PM20D2: variants seen among roughly 807,000 people sequenced by gnomAD.
PM20D2 encodes the protein peptidase M20 domain containing 2.
A neutral mutation model predicts 42.9 loss-of-function variants in PM20D2; 33 were observed. That is an observed-to-expected ratio of 0.77 (90% CI 0.58 to 1.03). The LOEUF is 1.03. Ranked by LOEUF, PM20D2 falls within the 50% of genes least tolerant of loss-of-function variation. The pLI, the probability that PM20D2 is intolerant of heterozygous loss-of-function variation, is 0.00. For missense variants in PM20D2, 548 were observed against 557.0 expected (o/e 0.98, Z 0.16); for synonymous variants, 250 against 228.2 (o/e 1.10, Z -0.86).
chr6:89,132,370 A>C, the PM20D2 span, among the ~76,000 whole-genome samples: 1 of 144,998 alleles, frequency 6.9e-6, no homozygotes, highest in Non-Finnish European at 1.5e-5. Context: ...TTTGCCCTGG[A>C]TCCAAGGAGG....
the PM20D2 span, among the ~76,000 whole-genome samples, chr6:89,130,981 G>T: frequency 1.3e-5 from 2 of 151,782 alleles, no homozygotes; most frequent in African/African-American, 4.8e-5. Flanking sequence ...GGGATGACAG[G>T]TGTAAACCAC....
chr6:89,108,536 A>G, the PM20D2 span, among the ~76,000 whole-genome samples: 1 of 152,234 alleles, frequency 6.6e-6, no homozygotes, highest in Non-Finnish European at 1.5e-5. Context: ...TGGTGCTATC[A>G]TAGGGATTCA....
intron 5 of PM20D2, among the ~76,000 whole-genome samples, chr6:89,161,300 G>A (rs2127782416): frequency 6.6e-6 from 1 of 152,316 alleles, no homozygotes; most frequent in African/African-American, 2.4e-5. Context: ...TGAGTTGGTG[G>A]TGATTTGAAG....
rs766101002 is a variant in PM20D2 at position 89,146,220 on chromosome 6, C to T, written c.76C>T (p.Arg26Cys). ...GRSELELLKL[R>C]SAECIDEAAE... The stretch of plus-strand genomic sequence containing the variant: ...CTCCGAGCTGGAGCTACTGAAGCTG[C>T]GCTCGGCGGAGTGCATCGACGAGGC... Residue 26 changes from arginine to cysteine, a missense_variant, in exon 1 of 7, where the codon CGC becomes TGC. Physicochemically the swap from Arg to Cys is radical, Grantham distance 180. Around this residue, in one of 3 missense-constraint regions of PM20D2, gnomAD observed 470 missense variants for 464.4 expected, o/e 1.01. Coordinates refer to ENST00000275072, the MANE Select transcript of PM20D2 (RefSeq NM_001010853.3). The T allele has an allele frequency of 3.8e-6, 6 of 1,570,144 alleles. No individual in the cohort carries two copies. The East Asian group carries it at 1.2e-4, about 31-fold the overall frequency.
chr6:89,152,920 G>A, intron 2 of PM20D2, 123 bp from the exon 3 acceptor site: 1 of 680,402 alleles, frequency 1.5e-6, no homozygotes, highest in South Asian at 2.5e-5. Context: ...CAAATAATTT[G>A]CAAATCAAAA....
At chr6:89,148,181 G>C (rs1334203523) in intron 1 of PM20D2, among the ~76,000 whole-genome samples, 1 of 151,828 alleles carries the variant, frequency 6.6e-6, no homozygotes, top group East Asian at 2.0e-4. Flanking sequence ...ATTTCGCCAT[G>C]TTGGCCTGGC....
the PM20D2 span, among the ~76,000 whole-genome samples, chr6:89,102,836 T>TGACCTACTG: frequency 6.6e-6 from 1 of 152,176 alleles, no homozygotes; most frequent in Non-Finnish European, 1.5e-5. Context: ...ACTGCAGCCT[T>TGACCTACTG]GACCTACTGG....
At chr6:89,111,175 C>T in the PM20D2 span, among the ~76,000 whole-genome samples, 1 of 150,402 alleles carries the variant, frequency 6.6e-6, no homozygotes, top group East Asian at 2.0e-4. Context: ...GTGGCACAAT[C>T]TCGGGTCACT....
the PM20D2 span, among the ~76,000 whole-genome samples, chr6:89,111,230 TC>T: frequency 6.6e-6 from 1 of 151,714 alleles, no homozygotes; most frequent in Non-Finnish European, 1.5e-5. Flanking sequence ...TGCCTCAACC[TC>T]CCAAGTAGCT....
At chr6:89,139,189 C>A in the PM20D2 span, among the ~76,000 whole-genome samples, 1 of 152,010 alleles carries the variant, frequency 6.6e-6, no homozygotes. Context: ...TCAGTTGATC[C>A]TCCCTAATAG....
chr6:89,157,412 TAATC>T (rs1771086373), intron 4 of PM20D2, among the ~76,000 whole-genome samples: 1 of 152,170 alleles, frequency 6.6e-6, no homozygotes, highest in Non-Finnish European at 1.5e-5. Context: ...AATTTTTATT[TAATC>T]AAAACTGAAT....
chr6:89,130,243 G>A, the PM20D2 span, among the ~76,000 whole-genome samples: 9 of 151,802 alleles, frequency 5.9e-5, no homozygotes, highest in Admixed American at 2.6e-4. Flanking sequence ...ATCACCACGC[G>A]TGGCTATTTT....
At chr6:89,139,975 G>C in the PM20D2 span, among the ~76,000 whole-genome samples, 12 of 152,264 alleles carry the variant, frequency 7.9e-5, no homozygotes, top group East Asian at 1.5e-3. Flanking sequence ...GATAAAAATG[G>C]AGCAAACGGA....
chr6:89,153,056 T>C lies in PM20D2; in HGVS notation c.628T>C (p.Tyr210His). The C allele has an allele frequency of 6.2e-7, 1 of 1,600,312 alleles. No homozygotes were observed. The highest frequency in any genetic ancestry group is 1.7e-5 in the Admixed American group (1 of 57,932). ...TTTATTTCCTAGTGTGACTGTGAAA[T>C]ACTATGGAAAAGCATCTCATTCTGC... is the stretch of plus-strand genomic sequence containing the variant. Reference protein sequence around the residue: ...DMAEHDVTVKYYGKASHSASY... With the variant: ...DMAEHDVTVKHYGKASHSASY... Residue 210 changes from tyrosine to histidine, a missense_variant, in exon 3 of 7, where the codon TAC becomes CAC. Physicochemically the swap from Tyr to His is moderately conservative, Grantham distance 83 (BLOSUM62 2). Coordinates refer to ENST00000275072, the MANE Select transcript of PM20D2 (RefSeq NM_001010853.3).
chr6:89,132,771 G>A, the PM20D2 span, among the ~76,000 whole-genome samples: 133 of 151,146 alleles, frequency 8.8e-4, 2 homozygotes, highest in African/African-American at 2.2e-3. Flanking sequence ...CCAGGAGGCA[G>A]AGGTTGCAGT....
chr6:89,146,176 G>C lies in PM20D2; in HGVS notation c.32G>C (p.Gly11Ala), dbSNP rs1450528788. 6 of 1,528,380 alleles carry C rather than the reference G, an allele frequency of 3.9e-6. No homozygotes were observed. The highest frequency in any genetic ancestry group is 5.2e-6 in the Non-Finnish European group (6 of 1,145,360). 94.7% of individuals were successfully genotyped at this position (1,528,380 alleles called of 1,614,324 possible). A position where few individuals can be genotyped will look rare whatever the true frequency, so the allele number is the denominator to read the frequency against. ...CCCGGAGGGGAGCGGCCCGTGGAAG[G>C]GGGCGCGTGCAATGGCCGCTCCGAG... MRPGGERPVE[G>A]GACNGRSELE... is the part of the protein sequence containing the mutation. The change falls in exon 1 of 7, where the codon GGG (glycine) becomes GCG (alanine). Residue 11 changes from glycine (G) to alanine (A), a missense_variant. Around this residue, in one of 3 missense-constraint regions of PM20D2, gnomAD observed 470 missense variants for 464.4 expected, o/e 1.01. Coordinates refer to ENST00000275072, the MANE Select transcript of PM20D2 (RefSeq NM_001010853.3).
chr6:89,099,419 T>C, the PM20D2 span, among the ~76,000 whole-genome samples: 9 of 137,866 alleles, frequency 6.5e-5, no homozygotes, highest in African/African-American at 2.5e-4. Context: ...TATATACATA[T>C]ATATATGTGT....
chr6:89,126,239 TAA>T, the PM20D2 span, among the ~76,000 whole-genome samples: 1 of 151,164 alleles, frequency 6.6e-6, no homozygotes, highest in Non-Finnish European at 1.5e-5. Context: ...TACAAAAAAT[TAA>T]AAAGTTAGCC....
chr6:89,148,675 C>A, intron 1 of PM20D2: 2 of 617,252 alleles, frequency 3.2e-6, no homozygotes, highest in Non-Finnish European at 4.0e-6. Flanking sequence ...AAATAGGTAG[C>A]CCAGTAAGGA....
Sources: allele counts gnomAD v4.1 joint callset (sites outside exome capture counted in the v4.1 genomes callset), GRCh38; gene constraint gnomAD v4.1.1; regional missense constraint gnomAD v4.1.1; transcripts MANE v1.5; gene names NCBI Gene and HGNC (gene_info 2026-07-23, HGNC 2026-07-21).